The following SYNE1 variants were observed in gnomAD, a reference collection of about 807,000 sequenced individuals.
SYNE1 encodes nesprin-1.
A neutral mutation model predicts 1,111.0 loss-of-function variants in SYNE1; 616 were observed. That is an observed-to-expected ratio of 0.55 (90% CI 0.52 to 0.59). The LOEUF (loss-of-function observed/expected upper bound fraction) is 0.59, where lower values mean the gene tolerates loss of function less well. Among genes scored for constraint, SYNE1 ranks in the 20% least tolerant of loss-of-function variants. The probability of loss-of-function intolerance (pLI) is 0.00; values close to 1 mark genes in which losing one functional copy is unlikely to be tolerated. For missense variants in SYNE1, 10,006 were observed against 10,417.0 expected, an observed-to-expected ratio of 0.96 and a Z score of 1.72; for synonymous variants, 3,855 against 3,825.8, an observed-to-expected ratio of 1.01 and a Z score of -0.28.
intron 115 of SYNE1, among the ~76,000 whole-genome samples, chr6:152,229,408 G>A (rs1305188875): frequency 6.6e-6 from 1 of 152,168 alleles, no homozygotes; most frequent in African/African-American, 2.4e-5. Context: ...CATTTGGAAC[G>A]TTACTGCTTC....
chr6:152,308,652 CA>C lies in SYNE1; in HGVS notation c.17203-21del. 1 of 1,568,258 alleles carries C rather than the reference CA, an allele frequency of 6.4e-7. No individual in the cohort carries two copies. The highest frequency in any genetic ancestry group is 8.6e-7 in the Non-Finnish European group (1 of 1,163,534). On this transcript the variant is annotated intron_variant, in intron 90 of 145. Transcript: ENST00000367255. ...AGCTTCCTTTGAAAAAAAAAAAAAACAGAAAGATAGACAGTTTTTTTTCTCT... is the reference window on the plus strand; with the variant it reads ...AGCTTCCTTTGAAAAAAAAAAAAAACGAAAGATAGACAGTTTTTTTTCTCT...
chr6:152,513,212 T>C (rs1422532645), intron 6 of SYNE1, among the ~76,000 whole-genome samples: 2 of 152,220 alleles, frequency 1.3e-5, no homozygotes, highest in Non-Finnish European at 2.9e-5. Flanking sequence ...GAGGCTTGAA[T>C]GGAATGAATT....
intron 3 of SYNE1, among the ~76,000 whole-genome samples, chr6:152,585,575 A>T (rs1280454653): frequency 6.6e-6 from 1 of 152,190 alleles, no homozygotes; most frequent in Non-Finnish European, 1.5e-5. Flanking sequence ...AACTTCTGTC[A>T]TATTTGTGAC....
chr6:152,598,685 A>G (rs1256413147), intron 3 of SYNE1, among the ~76,000 whole-genome samples: 2 of 152,236 alleles, frequency 1.3e-5, no homozygotes, highest in Non-Finnish European at 2.9e-5. Context: ...TGTGGCAATT[A>G]GTCATCACAG....
intron 141 of SYNE1, 137 bp from the exon 142 acceptor site, chr6:152,135,369 C>G (rs1585775400): frequency 2.1e-6 from 2 of 942,368 alleles, no homozygotes; most frequent in East Asian, 5.3e-5. Flanking sequence ...GAGGAAGGCA[C>G]TGGTGCTGTT....
At chr6:152,135,404 G>A (rs1246536900) in intron 141 of SYNE1, among the ~76,000 whole-genome samples, 172 bp from the exon 142 acceptor site, 7 of 152,186 alleles carry the variant, frequency 4.6e-5, no homozygotes, top group Admixed American at 3.3e-4. Flanking sequence ...GTGAGTTCAC[G>A]TTCTTACCAA....
chr6:152,373,474 G>A (rs1208365559), intron 58 of SYNE1, among the ~76,000 whole-genome samples: 4 of 151,972 alleles, frequency 2.6e-5, no homozygotes, highest in Non-Finnish European at 2.9e-5. Context: ...TAAAGACGGG[G>A]TTTCACCATG....
chr6:152,267,600 T>C (rs1456634974), intron 100 of SYNE1, among the ~76,000 whole-genome samples: 1 of 152,228 alleles, frequency 6.6e-6, no homozygotes, highest in East Asian at 1.9e-4. Context: ...TTCTTGACTC[T>C]TCTGTGTAGA....
rs796260764 is a variant in SYNE1, at chr6:152,179,673, C to CTTTTTTTTTTTTTTTTTTT, written c.23460+444_23460+462dup. Among the ~76,000 whole-genome samples, 10 of 55,104 alleles carry CTTTTTTTTTTTTTTTTTTT rather than the reference C, an allele frequency of 1.8e-4. 4 individuals carry two copies. The highest frequency in any genetic ancestry group is 6.2e-4 in the African/African-American group (8 of 12,812). The allele number at this position is 55,104 out of a possible 152,430, so 36.2% of individuals were successfully genotyped here. Reference sequence around the variant, plus strand: ...GCAAGTTTATTTTATGCTGGATATCCTTTTTTTTTTTTTTTTTTTTTTTTT... The same window carrying CTTTTTTTTTTTTTTTTTTT: ...GCAAGTTTATTTTATGCTGGATATCCTTTTTTTTTTTTTTTTTTTTTTTTTTTTTTTTTTTTTTTTTTTT... On this transcript the variant is annotated intron_variant, in intron 129 of 145. Coordinates refer to ENST00000367255, the MANE Select transcript of SYNE1 (RefSeq NM_182961.4).
intron 145 of SYNE1, chr6:152,126,857 G>A (rs922562149): frequency 1.3e-5 from 2 of 152,140 alleles, no homozygotes; most frequent in Non-Finnish European, 1.5e-5. Context: ...TTATAATCAA[G>A]GAAATGAAAA....
rs746752458 is a variant in SYNE1, at chr6:152,502,658, G to A, written c.863C>T (p.Ala288Val). Residue 288 changes from alanine (A) to valine (V), a missense_variant, in exon 10 of 146, where the codon GCA (alanine) becomes GTA (valine). Around this residue, in one of 7 missense-constraint regions of SYNE1, gnomAD observed 1,971 missense variants for 2,084.1 expected, o/e 0.95. Transcript: ENST00000367255. Reference protein sequence around the residue: ...FLKHYPDIHNASTDGQEDDEI... With the variant: ...FLKHYPDIHNVSTDGQEDDEI... Reference sequence around the variant, plus strand: ...ATCATCCTCTTGCCCATCAGTGCTTGCATTGTGGATGTCAGGATAATGTTT... The same window carrying A: ...ATCATCCTCTTGCCCATCAGTGCTTACATTGTGGATGTCAGGATAATGTTT... 23 of 1,613,520 alleles carry A rather than the reference G, an allele frequency of 1.4e-5. No individual in the cohort carries two copies. The highest frequency in any genetic ancestry group is 1.9e-5 in the Non-Finnish European group (23 of 1,179,666).
At chr6:152,612,535 C>T (rs2099634346) in intron 3 of SYNE1, among the ~76,000 whole-genome samples, 1 of 152,058 alleles carries the variant, frequency 6.6e-6, no homozygotes, top group Non-Finnish European at 1.5e-5. Flanking sequence ...AGTCCAGGAC[C>T]AGAAATGGAT....
intron 25 of SYNE1, among the ~76,000 whole-genome samples, chr6:152,452,576 G>A (rs1472085191): frequency 6.6e-6 from 1 of 152,190 alleles, no homozygotes; most frequent in African/African-American, 2.4e-5. Flanking sequence ...CTGATGGAGA[G>A]AGTTTCAGCT....
intron 130 of SYNE1, among the ~76,000 whole-genome samples, chr6:152,169,793 A>T (rs1279322376): frequency 1.3e-5 from 2 of 150,742 alleles, no homozygotes; most frequent in Admixed American, 1.3e-4. Context: ...GCGCAAACCC[A>T]ATCTCAAAAA....
chr6:152,498,335 C>G (rs150237093), intron 11 of SYNE1, among the ~76,000 whole-genome samples: 1 of 152,166 alleles, frequency 6.6e-6, no homozygotes, highest in Non-Finnish European at 1.5e-5. Flanking sequence ...ACAAGCTGAT[C>G]GAATACTTAC....
intron 87 of SYNE1, 154 bp from the exon 88 acceptor site, chr6:152,311,027 A>G: frequency 1.4e-6 from 1 of 731,166 alleles, no homozygotes; most frequent in Non-Finnish European, 2.4e-6. Context: ...CTTGGTAGCC[A>G]CTTACTATTA....
intron 86 of SYNE1, among the ~76,000 whole-genome samples, chr6:152,317,687 C>T (rs528671804): frequency 3.9e-5 from 6 of 152,156 alleles, no homozygotes; most frequent in South Asian, 4.1e-4. Flanking sequence ...TTATTACAGA[C>T]GTGCAATCTG....
intron 5 of SYNE1, among the ~76,000 whole-genome samples, 159 bp downstream of exon 5, chr6:152,525,921 C>A (rs577374141): frequency 3.3e-4 from 50 of 152,114 alleles, no homozygotes; most frequent in Non-Finnish European, 7.1e-4. Context: ...TTCCTTGCAC[C>A]TAGAAGTAGA....
rs528009384 is a variant in SYNE1 at position 152,312,458 on chromosome 6, C to T, written c.16711-1585G>A. 1.4e-3 allele frequency among the ~76,000 whole-genome samples: 216 copies of T among 150,860 alleles called. 1 individual carries two copies. Among genetic ancestry groups the T allele is most frequent in the African/African-American group, 5.1e-3 (210 of 41,308 alleles). ...TCCTGACCTTGTGATCCGCCAGCCTCGGTCCCCCAAAGTGCTGGGATTACA... is the reference window on the plus strand; with the variant it reads ...TCCTGACCTTGTGATCCGCCAGCCTTGGTCCCCCAAAGTGCTGGGATTACA... On this transcript the variant is annotated intron_variant, in intron 87 of 145. Transcript: ENST00000367255.
Sources: allele counts gnomAD v4.1 joint callset (sites outside exome capture counted in the v4.1 genomes callset), GRCh38; gene constraint gnomAD v4.1.1; regional missense constraint gnomAD v4.1.1; transcripts MANE v1.5; gene names NCBI Gene and HGNC (gene_info 2026-07-23, HGNC 2026-07-21).